The following NEBL variants were observed in gnomAD, a reference collection of about 807,000 sequenced individuals.
NEBL encodes the protein LIM and SH3 protein 2.
A neutral mutation model predicts 140.2 loss-of-function variants in NEBL; 122 were observed. The observed-to-expected ratio is 0.87, with a 90% CI of 0.75 to 1.01. The LOEUF (loss-of-function observed/expected upper bound fraction) is 1.01. NEBL is among the 50% of genes least tolerant of loss of function. The pLI is 0.00. For missense variants in NEBL, 1,365 were observed against 1,231.3 expected (o/e 1.11, Z -1.62); for synonymous variants, 436 against 398.9 (o/e 1.09, Z -1.11).
At chr10:21,108,980 T>C (rs929927180) in intron 2 of NEBL, among the ~76,000 whole-genome samples, 1 of 152,236 alleles carries the variant, frequency 6.6e-6, no homozygotes, top group Non-Finnish European at 1.5e-5. Context: ...CCTATTGGAA[T>C]ACCGTTTATT....
chr10:20,924,516 T>A (rs1185150284), intron 4 of NEBL, among the ~76,000 whole-genome samples: 2 of 105,390 alleles, frequency 1.9e-5, no homozygotes, highest in South Asian at 3.2e-4. Flanking sequence ...ACAGAGAGTA[T>A]CTTGTATAAA....
At chr10:20,910,615 G>C (rs114173989) in intron 4 of NEBL, among the ~76,000 whole-genome samples, 2,741 of 152,160 alleles carry the variant, frequency 0.018, 76 homozygotes, top group African/African-American at 0.063. Context: ...GCAGTGGAAA[G>C]CATGCAACAC....
intron 4 of NEBL, among the ~76,000 whole-genome samples, chr10:20,920,482 C>T (rs905021450): frequency 1.3e-5 from 2 of 152,186 alleles, no homozygotes; most frequent in African/African-American, 2.4e-5. Context: ...TTTCTGCATA[C>T]CGCTAAGGAG....
chr10:21,272,745 A>G (rs1362498690), intron 1 of NEBL, among the ~76,000 whole-genome samples: 2 of 152,192 alleles, frequency 1.3e-5, no homozygotes, highest in Non-Finnish European at 2.9e-5. Flanking sequence ...TAAAAAATCA[A>G]TGAGATCATT....
At chr10:20,885,221 A>G (rs887802116) in intron 4 of NEBL, among the ~76,000 whole-genome samples, 4 of 152,216 alleles carry the variant, frequency 2.6e-5, no homozygotes, top group Non-Finnish European at 4.4e-5. Flanking sequence ...TAATTATCAT[A>G]GATACTGTCA....
chr10:21,129,967 A>G (rs1364256087), intron 2 of NEBL, among the ~76,000 whole-genome samples: 1 of 152,130 alleles, frequency 6.6e-6, no homozygotes, highest in African/African-American at 2.4e-5. Flanking sequence ...GAATGGATCA[A>G]AAAAATATGA....
intron 3 of NEBL, among the ~76,000 whole-genome samples, chr10:20,982,918 T>C (rs1301483606): frequency 6.6e-6 from 1 of 152,208 alleles, no homozygotes; most frequent in East Asian, 1.9e-4. Context: ...GTATTTAAAT[T>C]GATCACAGTA....
At chr10:20,815,008 C>G (rs1838579981) in intron 22 of NEBL, among the ~76,000 whole-genome samples, 1 of 152,128 alleles carries the variant, frequency 6.6e-6, no homozygotes. Flanking sequence ...ATCAGAACAC[C>G]GCCATTTATG....
At chr10:21,069,397 G>A (rs1835714006) in intron 2 of NEBL, among the ~76,000 whole-genome samples, 1 of 152,156 alleles carries the variant, frequency 6.6e-6, no homozygotes, top group African/African-American at 2.4e-5. Flanking sequence ...AGCCAGTAGA[G>A]CACTTGGAAA....
At chr10:21,037,301 A>G (rs1413257562) in intron 2 of NEBL, among the ~76,000 whole-genome samples, 1 of 152,156 alleles carries the variant, frequency 6.6e-6, no homozygotes, top group Non-Finnish European at 1.5e-5. Flanking sequence ...AGCGAGCACA[A>G]GAGAATAAGG....
chr10:20,955,754 C>G (rs1440309590), intron 4 of NEBL, among the ~76,000 whole-genome samples: 1 of 151,770 alleles, frequency 6.6e-6, no homozygotes, highest in Non-Finnish European at 1.5e-5. Context: ...ATGAAAGGAA[C>G]AGAAGGAGAT....
At chr10:21,242,589 G>A (rs1842455087) in intron 3 of NEBL, among the ~76,000 whole-genome samples, 1 of 152,002 alleles carries the variant, frequency 6.6e-6, no homozygotes, top group Non-Finnish European at 1.5e-5. Context: ...ACCTGCACAT[G>A]TACCCTGAGC....
chr10:20,895,824 C>T (rs1236057240), intron 2 of NEBL, among the ~76,000 whole-genome samples: 1 of 152,142 alleles, frequency 6.6e-6, no homozygotes, highest in Non-Finnish European at 1.5e-5. Flanking sequence ...AAGGAAGTAA[C>T]AGACAGAGTA....
chr10:20,849,173 A>G (rs1413290688), intron 11 of NEBL, among the ~76,000 whole-genome samples: 3 of 152,034 alleles, frequency 2.0e-5, no homozygotes, highest in African/African-American at 7.2e-5. Flanking sequence ...TGCAGACAAA[A>G]CCTTGTGTGT....
chr10:21,000,565 T>A (rs990014998), intron 3 of NEBL, among the ~76,000 whole-genome samples: 2 of 152,060 alleles, frequency 1.3e-5, no homozygotes, highest in African/African-American at 4.8e-5. Flanking sequence ...GAGACCAGCC[T>A]TTGCAAAGGA....
intron 3 of NEBL, among the ~76,000 whole-genome samples, chr10:21,240,944 AC>A (rs1225632863): frequency 2.0e-5 from 3 of 151,382 alleles, no homozygotes; most frequent in African/African-American, 7.3e-5. Flanking sequence ...ACACACACAC[AC>A]AAAACCAGTA....
chr10:20,802,988 C>T (rs901680843), intron 26 of NEBL, among the ~76,000 whole-genome samples: 2 of 152,076 alleles, frequency 1.3e-5, no homozygotes, highest in Non-Finnish European at 2.9e-5. Flanking sequence ...TTTGATAACC[C>T]GGACCAAGTC....
chr10:21,150,793 C>T (rs1328329607), intron 2 of NEBL, among the ~76,000 whole-genome samples: 1 of 152,142 alleles, frequency 6.6e-6, no homozygotes, highest in African/African-American at 2.4e-5. Flanking sequence ...AAAATGAAAA[C>T]TTTCTTCAGA....
chr10:21,012,193 G>T (rs1838367324), intron 3 of NEBL, among the ~76,000 whole-genome samples: 2 of 151,946 alleles, frequency 1.3e-5, no homozygotes, highest in South Asian at 4.1e-4. Context: ...GTGGGAGTAG[G>T]GTAGGTGCCC....
Sources: allele counts gnomAD v4.1 joint callset (sites outside exome capture counted in the v4.1 genomes callset), GRCh38; gene constraint gnomAD v4.1.1; transcripts MANE v1.5; gene names NCBI Gene and HGNC (gene_info 2026-07-23, HGNC 2026-07-21).